FBLN7: variants seen among roughly 807,000 people sequenced by gnomAD.
FBLN7 encodes fibulin 7.
A neutral mutation model predicts 44.0 loss-of-function variants in FBLN7; 31 were observed. The observed-to-expected ratio is 0.70, with a 90% CI of 0.53 to 0.95. The LOEUF (loss-of-function observed/expected upper bound fraction) is 0.95, where lower values mean the gene tolerates loss of function less well. Ranked by LOEUF, FBLN7 falls within the 40% of genes least tolerant of loss-of-function variation. FBLN7 has a pLI of 0.00. For synonymous variants in FBLN7, 262 were observed against 253.4 expected, an observed-to-expected ratio of 1.03 and a Z score of -0.32; for missense variants, 573 against 618.5, an observed-to-expected ratio of 0.93 and a Z score of 0.78.
chr2:112,145,834 T>C (rs1475401059), intron 1 of FBLN7, among the ~76,000 whole-genome samples: 8 of 152,200 alleles, frequency 5.3e-5, no homozygotes, highest in Admixed American at 2.6e-4. Context: ...TTGTCAAAAA[T>C]CGTTCATCAT....
intron 1 of FBLN7, among the ~76,000 whole-genome samples, chr2:112,147,270 A>G (rs1423955765): frequency 4.6e-5 from 7 of 152,110 alleles, no homozygotes; most frequent in Admixed American, 3.9e-4. Flanking sequence ...GAGTTTTGGT[A>G]GTTTGTATCT....
chr2:112,202,843 A>G, the FBLN7 span, among the ~76,000 whole-genome samples: 1 of 151,036 alleles, frequency 6.6e-6, no homozygotes, highest in African/African-American at 2.4e-5. Flanking sequence ...CTTCTCAAAA[A>G]CTCCACCCCC....
At chr2:112,231,698 A>C in the FBLN7 span, 10 of 418,370 alleles carry the variant, frequency 2.4e-5, no homozygotes, top group Admixed American at 3.0e-4. Flanking sequence ...TTTAAACTGA[A>C]TTCTTAAGTT....
the FBLN7 span, among the ~76,000 whole-genome samples, chr2:112,223,413 A>T: frequency 1.3e-5 from 2 of 151,824 alleles, no homozygotes; most frequent in Non-Finnish European, 2.9e-5. Flanking sequence ...TAAAGCCATT[A>T]AAAAAAAGAA....
intron 1 of FBLN7, among the ~76,000 whole-genome samples, chr2:112,145,525 C>A (rs1180297657): frequency 6.6e-6 from 1 of 152,152 alleles, no homozygotes; most frequent in East Asian, 1.9e-4. Context: ...TGTAGCTTAA[C>A]AATGACTTTT....
chr2:112,230,327 T>C, the FBLN7 span, among the ~76,000 whole-genome samples: 3 of 152,324 alleles, frequency 2.0e-5, no homozygotes, highest in Admixed American at 6.5e-5. Context: ...AATTTTATGA[T>C]GATATGATTC....
the FBLN7 span, among the ~76,000 whole-genome samples, chr2:112,198,775 T>C: frequency 5.9e-5 from 9 of 152,220 alleles, no homozygotes; most frequent in African/African-American, 2.2e-4. Context: ...TGCTGGAACC[T>C]TGATCCTGGA....
the FBLN7 span, among the ~76,000 whole-genome samples, chr2:112,239,459 C>G: frequency 6.6e-6 from 1 of 152,018 alleles, no homozygotes; most frequent in East Asian, 1.9e-4. Context: ...TACTTTGGGG[C>G]CTGGTCTCTT....
chr2:112,150,239 G>T (rs896571180), intron 1 of FBLN7, among the ~76,000 whole-genome samples: 1 of 152,216 alleles, frequency 6.6e-6, no homozygotes, highest in Admixed American at 6.5e-5. Flanking sequence ...TGGGGTCAGA[G>T]AGCAAGACCA....
At chr2:112,185,478 C>G (rs1241519292) in intron 7 of FBLN7, 139 bp downstream of exon 7, 1 of 1,206,440 alleles carries the variant, frequency 8.3e-7, no homozygotes, top group Non-Finnish European at 1.1e-6. Context: ...GCTGGTGTCT[C>G]TGAATTTCCA....
chr2:112,150,376 C>G (rs539180680), intron 1 of FBLN7, among the ~76,000 whole-genome samples: 1 of 150,954 alleles, frequency 6.6e-6, no homozygotes, highest in African/African-American at 2.5e-5. Context: ...CTCTGCTGTA[C>G]CAGAAGAAAA....
At chr2:112,193,601 C>A in the FBLN7 span, among the ~76,000 whole-genome samples, 1 of 151,980 alleles carries the variant, frequency 6.6e-6, no homozygotes. Context: ...TTCCTTTTTT[C>A]TGAATATTTT....
At chr2:112,142,768 TTGTG>T (rs60060928) in intron 1 of FBLN7, among the ~76,000 whole-genome samples, 31 of 151,452 alleles carry the variant, frequency 2.0e-4, no homozygotes, top group African/African-American at 4.1e-4. Flanking sequence ...ATGTGTGTGT[TTGTG>T]TGTGTGTGTG....
At chr2:112,200,515 A>G in the FBLN7 span, among the ~76,000 whole-genome samples, 1 of 151,928 alleles carries the variant, frequency 6.6e-6, no homozygotes, top group Non-Finnish European at 1.5e-5. Flanking sequence ...TAAGGCGTAA[A>G]TGGTTTTTTT....
intron 5 of FBLN7, 129 bp from the exon 6 acceptor site, chr2:112,182,662 T>C: frequency 1.7e-6 from 2 of 1,167,304 alleles, no homozygotes; most frequent in Non-Finnish European, 2.4e-6. Flanking sequence ...GCATGGCGGC[T>C]GCCCGAGGCC....
the FBLN7 span, among the ~76,000 whole-genome samples, chr2:112,202,020 G>A: frequency 6.6e-6 from 1 of 152,162 alleles, no homozygotes. Context: ...AACACATCCA[G>A]GCAAATAAAT....
intron 7 of FBLN7, among the ~76,000 whole-genome samples, chr2:112,185,625 C>T (rs971608363): frequency 6.6e-6 from 1 of 152,136 alleles, no homozygotes; most frequent in Non-Finnish European, 1.5e-5. Context: ...GATGGCAAAG[C>T]CAGGGCAGGC....
At chr2:112,226,589 C>CAAAAAAAAAAAAAAAAAAA in the FBLN7 span, among the ~76,000 whole-genome samples, 1 of 74,226 alleles carries the variant, frequency 1.3e-5, no homozygotes, top group South Asian at 4.3e-4. Context: ...GACTCCATCT[C>CAAAAAAAAAAAAAAAAAAA]AAAAAAAAAA....
chr2:112,147,715 T>G (rs1296282889), intron 1 of FBLN7, among the ~76,000 whole-genome samples: 2 of 152,236 alleles, frequency 1.3e-5, no homozygotes, highest in African/African-American at 4.8e-5. Context: ...AGATCACATG[T>G]CTTCCTCTTT....
Sources: gnomAD v4.1 joint callset for allele counts (sites outside exome capture counted in the v4.1 genomes callset) on GRCh38, gnomAD v4.1.1 for gene constraint, MANE v1.5 for transcripts, NCBI Gene and HGNC (gene_info 2026-07-23, HGNC 2026-07-21) for gene names.